Variants in EYS observed in about 807,000 individuals in gnomAD.
The protein encoded by EYS is EGF-like photoreceptor maintenance factor, also known as protein eyes shut homolog.
In EYS, 250 loss-of-function variants were observed where a neutral mutation model predicts 282.1. That is an observed-to-expected ratio of 0.89 (90% CI 0.80 to 0.98). The LOEUF (loss-of-function observed/expected upper bound fraction) is 0.98, where lower values mean the gene tolerates loss of function less well. Among genes scored for constraint, EYS ranks in the 50% least tolerant of loss-of-function variants. EYS has a pLI of 0.00. For missense variants in EYS, 4,016 were observed against 3,709.0 expected (o/e 1.08, Z -2.15); for synonymous variants, 1,355 against 1,282.9 (o/e 1.06, Z -1.20).
intron 10 of EYS, among the ~76,000 whole-genome samples, chr6:65,335,639 A>G (rs1769960189): frequency 6.6e-6 from 1 of 150,706 alleles, no homozygotes; most frequent in African/African-American, 2.4e-5. Context: ...GATGTATGTT[A>G]CATACATGTT....
intron 2 of EYS, among the ~76,000 whole-genome samples, chr6:65,581,873 A>AT (rs997650586): frequency 2.6e-5 from 4 of 151,920 alleles, no homozygotes; most frequent in African/African-American, 9.7e-5. Flanking sequence ...CCTATTGGTG[A>AT]TTTTTTTCAA....
intron 41 of EYS, among the ~76,000 whole-genome samples, chr6:63,735,735 G>A (rs1228509729): frequency 6.6e-6 from 1 of 152,032 alleles, no homozygotes; most frequent in Admixed American, 6.6e-5. Context: ...GTTCCAACAA[G>A]GTCTCTTTTT....
At chr6:63,808,913 T>C (rs184587833) in intron 36 of EYS, among the ~76,000 whole-genome samples, 1 of 152,150 alleles carries the variant, frequency 6.6e-6, no homozygotes, top group Non-Finnish European at 1.5e-5. Context: ...TAAAATAAAT[T>C]TCACCTGTTT....
At chr6:64,774,728 C>T (rs748371270) in intron 22 of EYS, among the ~76,000 whole-genome samples, 2 of 151,878 alleles carry the variant, frequency 1.3e-5, no homozygotes, top group East Asian at 1.9e-4. Flanking sequence ...ACTCCAAATT[C>T]CTCACCTTGA....
intron 30 of EYS, among the ~76,000 whole-genome samples, chr6:64,305,413 A>G (rs1026967107): frequency 2.0e-5 from 3 of 152,164 alleles, no homozygotes; most frequent in African/African-American, 7.2e-5. Context: ...ATCTCAATGT[A>G]CTCTGAACAT....
At chr6:65,479,676 T>C (rs1353202855) in intron 5 of EYS, among the ~76,000 whole-genome samples, 1 of 152,150 alleles carries the variant, frequency 6.6e-6, no homozygotes, top group African/African-American at 2.4e-5. Context: ...ACTGAGTGGA[T>C]TATAAACCTA....
At chr6:64,014,050 A>G (rs912552781) in intron 33 of EYS, among the ~76,000 whole-genome samples, 3 of 152,120 alleles carry the variant, frequency 2.0e-5, no homozygotes, top group East Asian at 1.9e-4. Context: ...TGAGTAATCA[A>G]TTAAAACTCA....
At chr6:64,550,391 A>G (rs1319912072) in intron 26 of EYS, among the ~76,000 whole-genome samples, 3 of 152,072 alleles carry the variant, frequency 2.0e-5, no homozygotes, top group Non-Finnish European at 4.4e-5. Flanking sequence ...CATCCTCTCC[A>G]GCACCTGTTG....
At chr6:64,802,022 T>A (rs1425425221) in intron 22 of EYS, among the ~76,000 whole-genome samples, 1 of 131,602 alleles carries the variant, frequency 7.6e-6, no homozygotes, top group Admixed American at 7.4e-5. Context: ...AATTTCTTTT[T>A]CTTTTTTTTT....
intron 26 of EYS, among the ~76,000 whole-genome samples, chr6:64,463,715 A>G (rs763784999): frequency 6.6e-6 from 1 of 152,242 alleles, no homozygotes; most frequent in African/African-American, 2.4e-5. Flanking sequence ...GAAATCAAAA[A>G]TGAAAAAGAC....
chr6:64,116,469 GAGAC>G (rs1299773410), intron 31 of EYS, among the ~76,000 whole-genome samples: 1 of 152,056 alleles, frequency 6.6e-6, no homozygotes, highest in Admixed American at 6.5e-5. Flanking sequence ...AAATCACAAA[GAGAC>G]AGAAAGGAAC....
chr6:65,334,710 C>G (rs1421613312), intron 11 of EYS, among the ~76,000 whole-genome samples: 1 of 151,842 alleles, frequency 6.6e-6, no homozygotes, highest in Non-Finnish European at 1.5e-5. Flanking sequence ...CAGATTTATG[C>G]TAACTTAATT....
intron 33 of EYS, among the ~76,000 whole-genome samples, chr6:64,034,213 C>T (rs900543265): frequency 6.6e-6 from 1 of 152,000 alleles, no homozygotes; most frequent in Non-Finnish European, 1.5e-5. Flanking sequence ...TTGAGGGGAG[C>T]AATAAAAAGT....
At chr6:64,244,913 G>A (rs1164439462) in intron 30 of EYS, among the ~76,000 whole-genome samples, 1 of 151,810 alleles carries the variant, frequency 6.6e-6, no homozygotes, top group Non-Finnish European at 1.5e-5. Flanking sequence ...GTGCCATGTT[G>A]GTGTGCTGCA....
intron 28 of EYS, among the ~76,000 whole-genome samples, chr6:64,407,772 C>T (rs1773767319): frequency 6.6e-6 from 1 of 152,030 alleles, no homozygotes; most frequent in Non-Finnish European, 1.5e-5. Flanking sequence ...GCTCTTGTTG[C>T]CCAGGCTGGA....
At chr6:65,652,272 A>G (rs780779478) in intron 1 of EYS, among the ~76,000 whole-genome samples, 6 of 152,188 alleles carry the variant, frequency 3.9e-5, no homozygotes, top group Non-Finnish European at 8.8e-5. Context: ...TTGCTCACTG[A>G]ACACTATGAT....
chr6:64,192,802 C>T lies in EYS; in HGVS notation c.6424+37790G>A, dbSNP rs540975657. Among the ~76,000 whole-genome samples the T allele has an allele frequency of 1.0e-3, 158 of 152,266 alleles. 1 individual carries two copies. The highest frequency in any genetic ancestry group is 3.5e-3 in the South Asian group (17 of 4,822). On this transcript the variant is annotated intron_variant, in intron 31 of 42. Transcript: ENST00000503581. ...CCCACTTGGAATTGATTTTTATATA[C>T]GGCATAATGGAGAGGTACAAGTTTG...
intron 29 of EYS, among the ~76,000 whole-genome samples, chr6:64,366,189 G>T (rs1338018986): frequency 1.3e-5 from 2 of 152,094 alleles, no homozygotes; most frequent in Non-Finnish European, 2.9e-5. Flanking sequence ...TTGACTCAGT[G>T]ACAGCATTAT....
intron 35 of EYS, among the ~76,000 whole-genome samples, chr6:63,874,574 GATTA>G (rs1772912476): frequency 6.6e-6 from 1 of 152,084 alleles, no homozygotes; most frequent in African/African-American, 2.4e-5. Context: ...TGAATCTATA[GATTA>G]CCTTGGGCAG....
Sources: allele counts gnomAD v4.1 joint callset (sites outside exome capture counted in the v4.1 genomes callset), GRCh38; gene constraint gnomAD v4.1.1; transcripts MANE v1.5; gene names NCBI Gene and HGNC (gene_info 2026-07-23, HGNC 2026-07-21).